The following PAMR1 variants were observed in gnomAD, a reference collection of about 807,000 sequenced individuals.
The protein encoded by PAMR1 is peptidase domain containing associated with muscle regeneration 1, also known as inactive serine protease PAMR1.
In PAMR1, 88 loss-of-function variants were observed where a neutral mutation model predicts 81.8. The observed-to-expected ratio is 1.08, with a 90% CI of 0.91 to 1.28. The LOEUF (loss-of-function observed/expected upper bound fraction) is 1.28, where lower values mean the gene tolerates loss of function less well. PAMR1 is among the 50% of genes most tolerant of loss of function. PAMR1 has a pLI of 0.00. For synonymous variants in PAMR1, 336 were observed against 345.3 expected, an observed-to-expected ratio of 0.97 and a Z score of 0.30; for missense variants, 935 against 919.7, an observed-to-expected ratio of 1.02 and a Z score of -0.21.
chr11:35,447,658 C>T (rs971075975), intron 6 of PAMR1, among the ~76,000 whole-genome samples: 13 of 152,130 alleles, frequency 8.5e-5, no homozygotes, highest in Non-Finnish European at 1.2e-4. Context: ...AGGTTAATAT[C>T]GTTATGTGTA....
chr11:35,456,575 A>G (rs1008992202), intron 6 of PAMR1, among the ~76,000 whole-genome samples: 2 of 152,200 alleles, frequency 1.3e-5, no homozygotes, highest in Non-Finnish European at 2.9e-5. Flanking sequence ...TGCAGAGATC[A>G]CCATTTAACC....
At chr11:35,466,301 T>C (rs1856755173) in intron 6 of PAMR1, among the ~76,000 whole-genome samples, 1 of 152,208 alleles carries the variant, frequency 6.6e-6, no homozygotes, top group Non-Finnish European at 1.5e-5. Context: ...CATCATTTTC[T>C]ATGTCTCTAG....
At chr11:35,434,319 A>T (rs1303335103) in intron 10 of PAMR1, among the ~76,000 whole-genome samples, 193 bp downstream of exon 10, 1 of 152,050 alleles carries the variant, frequency 6.6e-6, no homozygotes, top group African/African-American at 2.4e-5. Flanking sequence ...TCAAGGTGGA[A>T]AAAAGACTCC....
chr11:35,454,146 A>C (rs182649304), intron 6 of PAMR1, among the ~76,000 whole-genome samples: 52 of 152,296 alleles, frequency 3.4e-4, no homozygotes, highest in African/African-American at 1.2e-3. Context: ...ATGAACACTT[A>C]AGTCTCCCAG....
upstream of PAMR1, among the ~76,000 whole-genome samples, chr11:35,526,514 G>A (rs1344625851): frequency 6.6e-6 from 1 of 152,312 alleles, no homozygotes; most frequent in Middle Eastern, 3.4e-3. Flanking sequence ...TCCGTGCCAG[G>A]TGTCATGTAC....
intron 4 of PAMR1, among the ~76,000 whole-genome samples, chr11:35,474,403 C>T (rs16927508): frequency 0.31 from 47,877 of 152,048 alleles, 7,996 homozygotes; most frequent in African/African-American, 0.43. Context: ...GCTTTGTTGA[C>T]GTTATCCTTG....
intron 5 of PAMR1, 130 bp downstream of exon 5, chr11:35,470,471 G>A (rs1451078051): frequency 2.8e-6 from 2 of 705,926 alleles, no homozygotes; most frequent in African/African-American, 3.6e-5. Flanking sequence ...TTCTCAGTGT[G>A]TAGGCTGTTT....
chr11:35,482,443 G>A (rs192634517), intron 3 of PAMR1, among the ~76,000 whole-genome samples: 1 of 152,320 alleles, frequency 6.6e-6, no homozygotes, highest in Non-Finnish European at 1.5e-5. Context: ...CTGTAGCCTT[G>A]TAATATAGTT....
chr11:35,477,063 G>T (rs1053376868), intron 3 of PAMR1, among the ~76,000 whole-genome samples: 3 of 152,138 alleles, frequency 2.0e-5, no homozygotes, highest in Non-Finnish European at 2.9e-5. Flanking sequence ...AAGTTCGACT[G>T]CCACTTCTTC....
Position 35,463,981 on chromosome 11 carries a change from G to A in PAMR1, c.820+4020C>T, listed in dbSNP as rs377014677. Among the ~76,000 whole-genome samples, 62 of 152,292 alleles carry A rather than the reference G, an allele frequency of 4.1e-4. No homozygotes were observed. The South Asian group carries it at 0.013, about 31-fold the overall frequency. ...GATGGATCCTAGTTTCTGAAATGCA[G>A]GTCCCAAGTCTTATTTTGAGGACAG... On this transcript the variant is annotated intron_variant, in intron 6 of 10. Transcript: ENST00000619888.
intron 1 of PAMR1, among the ~76,000 whole-genome samples, chr11:35,505,588 C>T (rs1196995824): frequency 2.6e-5 from 4 of 152,068 alleles, no homozygotes; most frequent in Non-Finnish European, 5.9e-5. Flanking sequence ...GCTGAATTGA[C>T]TTCTTCATAT....
At chr11:35,472,430 C>T (rs1850204455) in intron 4 of PAMR1, among the ~76,000 whole-genome samples, 1 of 152,206 alleles carries the variant, frequency 6.6e-6, no homozygotes, top group Non-Finnish European at 1.5e-5. Flanking sequence ...AGCAGTGCCC[C>T]AGCTACCAGC....
In PAMR1 at chr11:35,492,039, A is replaced by G. The variant is rs1338244512; in HGVS notation, c.379+6T>C. Reference sequence around the variant, plus strand: ...TAGAGATGGAGCTAGGTCAAGGTCTACTTACGCATGCAGTCTCCTCCGTAC... The same window carrying G: ...TAGAGATGGAGCTAGGTCAAGGTCTGCTTACGCATGCAGTCTCCTCCGTAC... On this transcript the variant is annotated splice_donor_region_variant and intron_variant, in intron 3 of 10. Transcript: ENST00000619888. The G allele has an allele frequency of 6.2e-7, 1 of 1,610,322 alleles. No homozygotes were observed. Among genetic ancestry groups the G allele is most frequent in the East Asian group, 2.2e-5 (1 of 44,672 alleles).
At chr11:35,463,453 CAACATGGA>C (rs760278834) in intron 6 of PAMR1, among the ~76,000 whole-genome samples, 2 of 152,192 alleles carry the variant, frequency 1.3e-5, no homozygotes, top group Non-Finnish European at 2.9e-5. Context: ...GGAACAAAGG[CAACATGGA>C]AATTAGAGCA....
At chr11:35,526,710 G>A (rs768810165), upstream of PAMR1, among the ~76,000 whole-genome samples, 1 of 152,198 alleles carries the variant, frequency 6.6e-6, no homozygotes, top group Non-Finnish European at 1.5e-5. Context: ...CTAGGCTATA[G>A]AGCTTCTTAG....
chr11:35,510,735 C>T (rs540175466), intron 1 of PAMR1, among the ~76,000 whole-genome samples: 4 of 152,088 alleles, frequency 2.6e-5, no homozygotes, highest in African/African-American at 4.8e-5. Flanking sequence ...TCTTGTATCA[C>T]GAACGTTTTC....
intron 8 of PAMR1, among the ~76,000 whole-genome samples, chr11:35,436,432 G>T (rs1856045733): frequency 6.6e-6 from 1 of 152,014 alleles, no homozygotes; most frequent in African/African-American, 2.4e-5. Flanking sequence ...TTACAGACAT[G>T]CAACACCACG....
chr11:35,462,881 G>A (rs537080086), intron 6 of PAMR1, among the ~76,000 whole-genome samples: 1 of 152,164 alleles, frequency 6.6e-6, no homozygotes, highest in Non-Finnish European at 1.5e-5. Context: ...ACCTTGGGGC[G>A]TACCATCTCA....
chr11:35,510,439 C>A (rs1203407652), intron 1 of PAMR1, among the ~76,000 whole-genome samples: 1 of 152,092 alleles, frequency 6.6e-6, no homozygotes, highest in Non-Finnish European at 1.5e-5. Flanking sequence ...CTGTTCTCTG[C>A]CTATTCATCC....
Sources: gnomAD v4.1 joint callset for allele counts (sites outside exome capture counted in the v4.1 genomes callset) on GRCh38, gnomAD v4.1.1 for gene constraint, MANE v1.5 for transcripts, NCBI Gene and HGNC (gene_info 2026-07-23, HGNC 2026-07-21) for gene names.